The following NAT10 variants were observed in gnomAD, a reference collection of about 807,000 sequenced individuals.
The protein encoded by NAT10 is RNA cytidine acetyltransferase.
NAT10 carries 109 observed loss-of-function variants against 132.2 expected under a neutral mutation model. The observed-to-expected ratio is 0.82, with a 90% confidence interval of 0.71 to 0.97. NAT10 has a LOEUF of 0.97. NAT10 is among the 50% of genes least tolerant of loss of function. The probability of loss-of-function intolerance (pLI) is 0.00; values close to 1 mark genes in which losing one functional copy is unlikely to be tolerated. For synonymous variants in NAT10, 479 were observed against 478.0 expected (o/e 1.00, Z -0.03); for missense variants, 1,184 against 1,263.4 (o/e 0.94, Z 0.95).
rs994195360 is a variant in NAT10, at chr11:34,141,894, C to T, written c.2811+77C>T. The stretch of plus-strand genomic sequence containing the variant: ...TAGGCTGTGAATTCAGACTGTCTTC[C>T]CCTTCCCCTTTAGAAAGAGTCCTCT... On this transcript the variant is annotated intron_variant, in intron 26 of 28. Transcript: ENST00000257829. The T allele has an allele frequency of 5.7e-6, 7 of 1,232,648 alleles. No individual in the cohort carries two copies. The African/African-American group carries it at 9.0e-5, about 16-fold the overall frequency. 76.4% of individuals were successfully genotyped at this position (1,232,648 alleles called of 1,614,324 possible).
At chr11:34,135,131 C>T (rs11032526) in intron 18 of NAT10, 44 bp from the exon 19 acceptor site, 21,238 of 1,493,240 alleles carry the variant, frequency 0.014, 197 homozygotes, top group Non-Finnish European at 0.018. Flanking sequence ...AGACTGAGAG[C>T]AGCTCTCTTC....
intron 12 of NAT10, among the ~76,000 whole-genome samples, chr11:34,130,587 G>C (rs1424232449): frequency 6.6e-6 from 1 of 152,236 alleles, no homozygotes; most frequent in Admixed American, 6.5e-5. Flanking sequence ...CTAAGTAGAT[G>C]AGCCAGGACG....
chr11:34,136,745 T>C lies in NAT10; in HGVS notation c.2132T>C (p.Val711Ala), dbSNP rs1313244780. ...GCCGAACGCCTGGATTACCTGGGTG[T>C]TTCCTATGGCTTGACCCCCAGGCTC... ...RPAERLDYLGVSYGLTPRLLK... is the reference protein window; with the variant it reads ...RPAERLDYLGASYGLTPRLLK... Residue 711 changes from valine (V) to alanine (A), a missense_variant, in exon 20 of 29, where the codon GTT (valine) becomes GCT (alanine). Transcript: ENST00000257829. The C allele has an allele frequency of 1.9e-6, 3 of 1,613,930 alleles. No homozygotes were observed. The highest frequency in any genetic ancestry group is 2.5e-6 in the Non-Finnish European group (3 of 1,179,946).
At chr11:34,110,354 A>G (rs73501069) in intron 3 of NAT10, among the ~76,000 whole-genome samples, 15,409 of 149,046 alleles carry the variant, frequency 0.1, 852 homozygotes, top group African/African-American at 0.15. Context: ...TGCCACTTCC[A>G]CCTCCCCGGT....
intron 8 of NAT10, among the ~76,000 whole-genome samples, chr11:34,122,022 A>G (rs1279553045): frequency 1.3e-5 from 2 of 151,862 alleles, no homozygotes; most frequent in African/African-American, 4.8e-5. Context: ...CTAAAAATAT[A>G]AAAACTAGCT....
At chr11:34,143,107 G>A (rs1852369584) in intron 27 of NAT10, among the ~76,000 whole-genome samples, 1 of 152,218 alleles carries the variant, frequency 6.6e-6, no homozygotes, top group African/African-American at 2.4e-5. Context: ...AAGATTGTGG[G>A]GGTGACAGGA....
At chr11:34,127,973 T>G (rs958773963) in intron 12 of NAT10, among the ~76,000 whole-genome samples, 1 of 152,208 alleles carries the variant, frequency 6.6e-6, no homozygotes. Context: ...AAGCTCATAA[T>G]GACTTTTTTT....
chr11:34,134,736 T>C (rs1852177864), intron 18 of NAT10, 150 bp downstream of exon 18: 3 of 423,262 alleles, frequency 7.1e-6, no homozygotes, highest in South Asian at 5.2e-5. Flanking sequence ...GGGTTCGGGG[T>C]GGGTGGGTGG....
intron 25 of NAT10, 101 bp from the exon 26 acceptor site, chr11:34,141,618 A>G: frequency 9.7e-7 from 1 of 1,028,248 alleles, no homozygotes; most frequent in Non-Finnish European, 1.5e-6. Context: ...TGTGTCTTCA[A>G]AATGCACACC....
At chr11:34,140,270 A>G in intron 23 of NAT10, 130 bp from the exon 24 acceptor site, 2 of 879,714 alleles carry the variant, frequency 2.3e-6, no homozygotes, top group Non-Finnish European at 3.5e-6. Context: ...CCTCTGGGCC[A>G]GGGCTGTGTG....
At chr11:34,124,093 C>T (rs370820155) in intron 10 of NAT10, among the ~76,000 whole-genome samples, 15 of 152,138 alleles carry the variant, frequency 9.9e-5, no homozygotes, top group Middle Eastern at 3.4e-3. Context: ...CGCTTGAACC[C>T]GGGAGGCGGA....
Position 34,108,846 on chromosome 11 carries a change from C to G in NAT10, c.200+13C>G, listed in dbSNP as rs1229435168. 6.2e-7 allele frequency: 1 copy of G among 1,601,128 alleles called. No individual in the cohort carries two copies. Among genetic ancestry groups the G allele is most frequent in the Non-Finnish European group, 8.5e-7 (1 of 1,175,262 alleles). Reference sequence around the variant, plus strand: ...TGGGGTTTAGCAGGTAAGCTGGGCTCTTCATGTGTTTTATCCAACTTACAA... The same window carrying G: ...TGGGGTTTAGCAGGTAAGCTGGGCTGTTCATGTGTTTTATCCAACTTACAA... On this transcript the variant is annotated intron_variant, in intron 3 of 28. Coordinates refer to ENST00000257829, the MANE Select transcript of NAT10 (RefSeq NM_024662.3).
At chr11:34,118,818 C>T (rs147737173) in intron 8 of NAT10, among the ~76,000 whole-genome samples, 4 of 152,130 alleles carry the variant, frequency 2.6e-5, no homozygotes, top group Non-Finnish European at 5.9e-5. Flanking sequence ...GATCACGGCT[C>T]ACTGTAACTT....
chr11:34,130,829 CG>C lies in NAT10; in HGVS notation c.1263del (p.Ser422HisfsTer6). The C allele has an allele frequency of 6.2e-7, 1 of 1,614,096 alleles. No homozygotes were observed. The highest frequency in any genetic ancestry group is 8.5e-7 in the Non-Finnish European group (1 of 1,179,992). ...TGTTTCTAGCTATGAGGGCACTGGC[CG>C]GTCACTGTCCCTCAAGCTAATTCAG... is the stretch of plus-strand genomic sequence containing the variant. Reference protein sequence around the residue: ...STINGYEGTGRSLSLKLIQQL... With the variant: ...STINGYEGTGXSLSLKLIQQL... On this transcript the variant is annotated frameshift_variant, in exon 13 of 29. Transcript: ENST00000257829. LOFTEE classifies it high-confidence loss of function.
chr11:34,122,465 G>C lies in NAT10; in HGVS notation c.787G>C (p.Ala263Pro). The C allele has an allele frequency of 6.2e-7, 1 of 1,614,194 alleles. No homozygotes were observed. The highest frequency in any genetic ancestry group is 8.5e-7 in the Non-Finnish European group (1 of 1,180,026). Residue 263 changes from alanine (A) to proline (P), a missense_variant, in exon 9 of 29, where the codon GCT (alanine) becomes CCT (proline). Ala to Pro is a conservative substitution (Grantham distance 27, BLOSUM62 -1). Transcript: ENST00000257829. ...DCCKTLDQAK[A>P]VLKFIEGISE... ...TATGTTTCTGTTTCCACAGGCCAAA[G>C]CTGTCTTGAAATTTATCGAGGGCAT...
chr11:34,119,324 C>T (rs909058851), intron 8 of NAT10, among the ~76,000 whole-genome samples: 7 of 152,206 alleles, frequency 4.6e-5, no homozygotes, highest in Non-Finnish European at 8.8e-5. Flanking sequence ...CAGCATGGGT[C>T]GCTGCCCTTG....
intron 22 of NAT10, 30 bp downstream of exon 22, chr11:34,139,317 CAATG>C: frequency 6.2e-7 from 1 of 1,611,818 alleles, no homozygotes; most frequent in Non-Finnish European, 8.5e-7. Flanking sequence ...TTGGGGGAGA[CAATG>C]AGGTGATTGG....
Position 34,142,367 on chromosome 11 carries a change from A to G in NAT10, c.2885+19A>G. On this transcript the variant is annotated intron_variant, in intron 27 of 28. Coordinates refer to ENST00000257829, the MANE Select transcript of NAT10 (RefSeq NM_024662.3). The stretch of plus-strand genomic sequence containing the variant: ...TCTCTGAGTAAGGCTTGTGGGAAGC[A>G]GAGGGTTTGCCTTGGCTTCTGGGGC... The G allele has an allele frequency of 6.2e-7, 1 of 1,611,216 alleles. No homozygotes were observed. Among genetic ancestry groups the G allele is most frequent in the Non-Finnish European group, 8.5e-7 (1 of 1,177,388 alleles).
At chr11:34,107,589 C>T (rs1851617621) in intron 1 of NAT10, among the ~76,000 whole-genome samples, 1 of 152,162 alleles carries the variant, frequency 6.6e-6, no homozygotes, top group African/African-American at 2.4e-5. Context: ...ATACTTTATT[C>T]TGTCATGATC....
Sources: gnomAD v4.1 joint callset for allele counts (sites outside exome capture counted in the v4.1 genomes callset) on GRCh38, gnomAD v4.1.1 for gene constraint, MANE v1.5 for transcripts, NCBI Gene and HGNC (gene_info 2026-07-23, HGNC 2026-07-21) for gene names.